ZNF665: variants seen among roughly 807,000 people sequenced by gnomAD.
ZNF665 encodes the protein zinc finger protein 665.
A neutral mutation model predicts 7.9 loss-of-function variants in ZNF665; 6 were observed. The ratio of observed to expected loss-of-function variants is 0.76; its 90% confidence interval spans 0.42 to 1.50. The LOEUF (loss-of-function observed/expected upper bound fraction) is 1.50. Among genes scored for constraint, ZNF665 ranks in the 40% most tolerant of loss-of-function variants. The pLI is 0.01. For synonymous variants in ZNF665, 242 were observed against 274.5 expected (o/e 0.88, Z 1.17); for missense variants, 819 against 806.7 (o/e 1.02, Z -0.18).
Position 53,165,377 on chromosome 19 carries a change from C to T in ZNF665, c.1113G>A (p.Glu371=). 2 of 1,614,206 alleles carry T rather than the reference C, an allele frequency of 1.2e-6. No homozygotes were observed. Among genetic ancestry groups the T allele is most frequent in the Non-Finnish European group, 1.7e-6 (2 of 1,180,028 alleles). ...CACACTCATTACACTTGTAAGGTTT[C>T]TCACCAGTATGAATTCGCCGATGCT... ...LAKHRRIHTG[E]KPYKCNECGK... Residue 371 remains glutamate, a synonymous_variant, in exon 4 of 4, where the codon GAG becomes GAA. Coordinates refer to ENST00000396424, the MANE Select transcript of ZNF665 (RefSeq NM_024733.5).
chr19:53,166,462 G>A (rs1367837392), intron 3 of ZNF665, 115 bp from the exon 4 acceptor site: 10 of 951,314 alleles, frequency 1.1e-5, no homozygotes, highest in African/African-American at 1.6e-5. Flanking sequence ...ACAGACTTAC[G>A]ATTCTTCAGA....
chr19:53,181,112 T>C (rs1438684996), intron 2 of ZNF665: 1 of 152,174 alleles, frequency 6.6e-6, no homozygotes, highest in Non-Finnish European at 1.5e-5. Context: ...TGGATGCATT[T>C]GATCTAAATT....
intron 2 of ZNF665, chr19:53,180,708 T>C (rs2090731816): frequency 6.6e-6 from 1 of 152,182 alleles, no homozygotes; most frequent in South Asian, 2.1e-4. Flanking sequence ...ACAACTGAAA[T>C]GCATGAATTG....
intron 1 of ZNF665, among the ~76,000 whole-genome samples, chr19:53,191,132 TA>T (rs2090813885): frequency 6.6e-6 from 1 of 152,196 alleles, no homozygotes; most frequent in African/African-American, 2.4e-5. Context: ...TAGTGGGATC[TA>T]ATGCTAACTC....
At position 53,182,794 on chromosome 19, in the gene ZNF665, T is replaced by A. The variant is rs371323331; in HGVS notation, c.15+90A>T. The A allele has an allele frequency of 3.0e-5, 47 of 1,591,444 alleles. No individual in the cohort carries two copies. In the East Asian group the frequency reaches 4.2e-4, roughly 14 times the overall value. On this transcript the variant is annotated intron_variant, in intron 2 of 3. Transcript: ENST00000396424. Reference sequence around the variant, plus strand: ...GTGCGAGCAAACCTGTCAGGCAGGATGCTTCAGACTCAGAGAAGATTCCCA... The same window carrying A: ...GTGCGAGCAAACCTGTCAGGCAGGAAGCTTCAGACTCAGAGAAGATTCCCA...
chr19:53,184,832 G>A (rs7259230), intron 1 of ZNF665, among the ~76,000 whole-genome samples: 56,587 of 147,756 alleles, frequency 0.38, 12,214 homozygotes, highest in Non-Finnish European at 0.47. Context: ...GGCAGGATAA[G>A]GAGTGTGAGC....
chr19:53,170,204 T>C (rs1055035715), intron 3 of ZNF665, among the ~76,000 whole-genome samples: 1 of 151,996 alleles, frequency 6.6e-6, no homozygotes, highest in African/African-American at 2.4e-5. Context: ...TGTTGTTTCC[T>C]GACTTTTTAA....
chr19:53,172,668 C>A (rs1489713945), intron 3 of ZNF665, among the ~76,000 whole-genome samples: 1 of 151,524 alleles, frequency 6.6e-6, no homozygotes, highest in Non-Finnish European at 1.5e-5. Context: ...CTACCAAAAA[C>A]GCAAAAATTA....
intron 1 of ZNF665, among the ~76,000 whole-genome samples, chr19:53,189,155 T>C (rs1414829637): frequency 6.6e-6 from 1 of 151,324 alleles, no homozygotes. Context: ...GTTGACACAG[T>C]GGAGGAGGGA....
chr19:53,165,947 A>T lies in ZNF665; in HGVS notation c.543T>A (p.Asp181Glu), dbSNP rs1225639679. ...TTTGACTGAAGACCTTGCCACATTCATCACATTTATAATGTTTTCCTCGAT... is the reference window on the plus strand; with the variant it reads ...TTTGACTGAAGACCTTGCCACATTCTTCACATTTATAATGTTTTCCTCGAT... ...PNNRGKHYKC[D>E]ECGKVFSQNS... Residue 181 changes from aspartate (D) to glutamate (E), a missense_variant, in exon 4 of 4, where the codon GAT (aspartate) becomes GAA (glutamate). Coordinates refer to ENST00000396424, the MANE Select transcript of ZNF665 (RefSeq NM_024733.5). The T allele has an allele frequency of 2.5e-6, 4 of 1,613,964 alleles. No individual in the cohort carries two copies. The highest frequency in any genetic ancestry group is 3.4e-6 in the Non-Finnish European group (4 of 1,180,002).
At chr19:53,189,949 C>T (rs566006472) in intron 1 of ZNF665, among the ~76,000 whole-genome samples, 42 of 152,316 alleles carry the variant, frequency 2.8e-4, no homozygotes, top group Admixed American at 5.2e-4. Flanking sequence ...GGCTCGCACT[C>T]TTGTCTTCTG....
At chr19:53,174,957 A>C (rs1165124983) in intron 3 of ZNF665, among the ~76,000 whole-genome samples, 1 of 149,064 alleles carries the variant, frequency 6.7e-6, no homozygotes, top group South Asian at 2.1e-4. Flanking sequence ...AAAAAAAAAA[A>C]AAAAGAAAGA....
Position 53,165,729 on chromosome 19 carries a change from C to A in ZNF665, c.761G>T (p.Arg254Ile), listed in dbSNP as rs746630449. The A allele has an allele frequency of 5.0e-6, 8 of 1,614,190 alleles. No homozygotes were observed. The highest frequency in any genetic ancestry group is 1.7e-5 in the Admixed American group (1 of 60,024). Residue 254 changes from arginine to isoleucine, a missense_variant, in exon 4 of 4, where the codon AGA becomes ATA. Coordinates refer to ENST00000396424, the MANE Select transcript of ZNF665 (RefSeq NM_024733.5). ...GTAAGGTTTCTCTCCAGTATGAATT[C>A]TCTGATGACCTGCAAGGTTTGAAGG... ...SQPSNLAGHQ[R>I]IHTGEKPYKC...
At chr19:53,171,531 T>A (rs1328380739) in intron 3 of ZNF665, among the ~76,000 whole-genome samples, 12 of 134,940 alleles carry the variant, frequency 8.9e-5, no homozygotes, top group Admixed American at 3.9e-4. Context: ...TATATTTTTT[T>A]TTTTTTTTTC....
intron 2 of ZNF665, among the ~76,000 whole-genome samples, chr19:53,176,190 A>T (rs1403271446): frequency 6.6e-6 from 1 of 152,034 alleles, no homozygotes; most frequent in Non-Finnish European, 1.5e-5. Context: ...AAAAATAAAT[A>T]AAAGATTACA....
chr19:53,177,106 G>A (rs975533909), intron 2 of ZNF665, among the ~76,000 whole-genome samples: 8 of 152,120 alleles, frequency 5.3e-5, no homozygotes, highest in African/African-American at 1.9e-4. Flanking sequence ...GCAACAGAGC[G>A]AGATTCTATC....
chr19:53,169,169 A>C (rs1316770043), intron 3 of ZNF665, among the ~76,000 whole-genome samples: 1 of 152,162 alleles, frequency 6.6e-6, no homozygotes, highest in Non-Finnish European at 1.5e-5. Context: ...AAATCTGATA[A>C]AGACTTTGTA....
intron 3 of ZNF665, among the ~76,000 whole-genome samples, chr19:53,169,803 A>G (rs1476915748): frequency 1.7e-3 from 249 of 147,362 alleles, no homozygotes; most frequent in African/African-American, 6.0e-3. Flanking sequence ...TTGTTCTTGC[A>G]ATAGTTTACT....
chr19:53,185,014 A>AG (rs1249533350), intron 1 of ZNF665, among the ~76,000 whole-genome samples: 5 of 152,200 alleles, frequency 3.3e-5, no homozygotes, highest in East Asian at 1.9e-4. Context: ...ACTGCTATCT[A>AG]AAGGCAGAGC....
Sources: gnomAD v4.1 joint callset for allele counts (sites outside exome capture counted in the v4.1 genomes callset) on GRCh38, gnomAD v4.1.1 for gene constraint, MANE v1.5 for transcripts, NCBI Gene and HGNC (gene_info 2026-07-23, HGNC 2026-07-21) for gene names.